The following EXT1 variants were observed in gnomAD, a reference collection of about 807,000 sequenced individuals.
EXT1 encodes the protein exostosin-1.
Under a neutral mutation model 82.5 loss-of-function variants are expected in EXT1, and 20 were observed. The observed-to-expected ratio is 0.24, with a 90% CI of 0.17 to 0.35. The LOEUF is 0.35. Ranked by LOEUF, EXT1 falls within the 10% of genes least tolerant of loss-of-function variation. The pLI is 1.00. For missense variants in EXT1, 757 were observed against 936.5 expected, an observed-to-expected ratio of 0.81 and a Z score of 2.50; for synonymous variants, 348 against 350.8, an observed-to-expected ratio of 0.99 and a Z score of 0.09.
At chr8:117,845,556 T>TA (rs11284096) in intron 1 of EXT1, among the ~76,000 whole-genome samples, 9 of 141,528 alleles carry the variant, frequency 6.4e-5, no homozygotes, top group East Asian at 2.6e-4. Context: ...TAAAAGTAAG[T>TA]AAAAAAAAAA....
intron 5 of EXT1, 70 bp from the exon 6 acceptor site, chr8:117,819,864 G>C (rs998246771): frequency 2.9e-6 from 4 of 1,401,340 alleles, no homozygotes; most frequent in African/African-American, 1.4e-5. Flanking sequence ...ACTCCTCCTT[G>C]CTCCGCTGCC....
At chr8:117,907,670 T>C (rs143982567) in intron 1 of EXT1, among the ~76,000 whole-genome samples, 1,600 of 152,304 alleles carry the variant, frequency 0.011, 25 homozygotes, top group African/African-American at 0.034. Context: ...CCATATTATA[T>C]ATGAATTCAT....
chr8:118,043,431 T>C (rs1038659541), intron 1 of EXT1, among the ~76,000 whole-genome samples: 1 of 152,188 alleles, frequency 6.6e-6, no homozygotes, highest in African/African-American at 2.4e-5. Context: ...AAAGTCCCTA[T>C]CCAGAGTTTT....
intron 1 of EXT1, among the ~76,000 whole-genome samples, chr8:117,865,482 T>A (rs769921459): frequency 3.3e-5 from 5 of 152,230 alleles, no homozygotes; most frequent in Non-Finnish European, 5.9e-5. Flanking sequence ...GAGAAAAACA[T>A]CCAGTGGACT....
rs1305323709 is a variant in EXT1, at chr8:117,797,822, A to C, written c.*1890T>G. The C allele has an allele frequency of 6.6e-6, 1 of 152,246 alleles. No homozygotes were observed. The highest frequency in any genetic ancestry group is 1.5e-5 in the Non-Finnish European group (1 of 68,056). The allele number at this position is 152,246 out of a possible 1,614,324, so 9.4% of individuals were successfully genotyped here. ...CTTAGGGGAAAATGTCACATGTTTG[A>C]GAATGGACTATGGATGGGTCCAATT... On this transcript the variant is annotated 3_prime_UTR_variant, in exon 11 of 11. Coordinates refer to ENST00000378204, the MANE Select transcript of EXT1 (RefSeq NM_000127.3).
chr8:117,875,316 G>A (rs914667791), intron 1 of EXT1, among the ~76,000 whole-genome samples: 1 of 152,142 alleles, frequency 6.6e-6, no homozygotes, highest in Admixed American at 6.5e-5. Context: ...AGATACTCGG[G>A]AGGCCGAGGC....
chr8:117,935,543 T>C (rs1375145072), intron 1 of EXT1, among the ~76,000 whole-genome samples: 1 of 152,002 alleles, frequency 6.6e-6, no homozygotes, highest in African/African-American at 2.4e-5. Context: ...TTACTTTATG[T>C]AGAGACAGGA....
chr8:118,073,632 A>AGAGAAGAGAAGAGAAG (rs201535579), intron 1 of EXT1, among the ~76,000 whole-genome samples: 2 of 89,476 alleles, frequency 2.2e-5, no homozygotes, highest in African/African-American at 5.3e-5. Flanking sequence ...AGAGAAGAGA[A>AGAGAAGAGAAGAGAAG]AGAAGAGAAG....
chr8:118,076,553 A>C (rs1368097346), intron 1 of EXT1, among the ~76,000 whole-genome samples: 1 of 152,242 alleles, frequency 6.6e-6, no homozygotes, highest in African/African-American at 2.4e-5. Flanking sequence ...CTTGAAGGCC[A>C]ATGGCTGTGT....
At chr8:118,037,318 T>C (rs1458575667) in intron 1 of EXT1, among the ~76,000 whole-genome samples, 6 of 151,950 alleles carry the variant, frequency 3.9e-5, no homozygotes, top group South Asian at 2.1e-4. Flanking sequence ...CAGGGTCACA[T>C]GTATCTGAAA....
intron 1 of EXT1, among the ~76,000 whole-genome samples, chr8:117,964,649 GTTTGT>G (rs1814770532): frequency 1.3e-5 from 2 of 151,138 alleles, no homozygotes; most frequent in East Asian, 3.9e-4. Flanking sequence ...TTGTTTGTTT[GTTTGT>G]TTTTTGTTTT....
At chr8:117,864,008 T>C (rs10092644) in intron 1 of EXT1, among the ~76,000 whole-genome samples, 5,321 of 152,210 alleles carry the variant, frequency 0.035, 324 homozygotes, top group African/African-American at 0.12. Context: ...TTCATTCCAA[T>C]CTCTTCCATA....
intron 1 of EXT1, among the ~76,000 whole-genome samples, chr8:117,862,593 C>A (rs777268003): frequency 6.9e-6 from 1 of 145,192 alleles, no homozygotes; most frequent in Non-Finnish European, 1.5e-5. Flanking sequence ...TCATTCCATC[C>A]AGGCACTGCT....
chr8:117,973,923 C>G, intron 1 of EXT1, among the ~76,000 whole-genome samples: 1 of 62,010 alleles, frequency 1.6e-5, no homozygotes, highest in South Asian at 4.6e-4. Context: ...GGAAGAAAGG[C>G]AGAAAGCAAG....
At chr8:117,838,016 G>A (rs1213096267) in intron 1 of EXT1, among the ~76,000 whole-genome samples, 2 of 152,152 alleles carry the variant, frequency 1.3e-5, no homozygotes, top group East Asian at 3.8e-4. Context: ...TGCCAGTGAA[G>A]TTTAAGAAAG....
chr8:117,826,449 G>A (rs17439791), intron 4 of EXT1, among the ~76,000 whole-genome samples: 13,571 of 152,096 alleles, frequency 0.089, 766 homozygotes, highest in African/African-American at 0.16. Flanking sequence ...AATTATTCTC[G>A]TGCCTTAGTA....
intron 1 of EXT1, among the ~76,000 whole-genome samples, chr8:117,884,266 A>T (rs1441172386): frequency 6.6e-6 from 1 of 152,218 alleles, no homozygotes; most frequent in Non-Finnish European, 1.5e-5. Context: ...AACAAGAAAG[A>T]GTCTTCCATT....
chr8:118,050,559 A>G (rs919040956), intron 1 of EXT1, among the ~76,000 whole-genome samples: 1 of 152,210 alleles, frequency 6.6e-6, no homozygotes, highest in African/African-American at 2.4e-5. Context: ...TTTACAAGCC[A>G]TATGGTCTCT....
chr8:118,049,114 GA>G (rs1223290463), intron 1 of EXT1, among the ~76,000 whole-genome samples: 1 of 151,236 alleles, frequency 6.6e-6, no homozygotes, highest in Non-Finnish European at 1.5e-5. Context: ...ATTTTTAAAA[GA>G]AAAAAAACAG....
Sources: allele counts gnomAD v4.1 joint callset (sites outside exome capture counted in the v4.1 genomes callset), GRCh38; gene constraint gnomAD v4.1.1; transcripts MANE v1.5; gene names NCBI Gene and HGNC (gene_info 2026-07-23, HGNC 2026-07-21).